CDH20: variants seen among roughly 807,000 people sequenced by gnomAD.
CDH20 encodes cadherin 20.
Under a neutral mutation model 74.2 loss-of-function variants are expected in CDH20, and 29 were observed. The observed-to-expected ratio is 0.39, with a 90% CI of 0.29 to 0.53. CDH20 has a LOEUF of 0.53. Among genes scored for constraint, CDH20 ranks in the 20% least tolerant of loss-of-function variants. The probability of loss-of-function intolerance (pLI) is 0.69; values close to 1 mark genes in which losing one functional copy is unlikely to be tolerated. For missense variants in CDH20, 988 were observed against 1,048.3 expected (o/e 0.94, Z 0.79); for synonymous variants, 469 against 405.4 (o/e 1.16, Z -1.88).
intron 1 of CDH20, among the ~76,000 whole-genome samples, chr18:61,383,306 C>T (rs2144184682): frequency 6.6e-6 from 1 of 152,260 alleles, no homozygotes; most frequent in African/African-American, 2.4e-5. Flanking sequence ...TCTGGCCAGG[C>T]GTGGTGGCTC....
At chr18:61,373,601 A>C (rs78630774) in intron 1 of CDH20, among the ~76,000 whole-genome samples, 1 of 152,220 alleles carries the variant, frequency 6.6e-6, no homozygotes, top group East Asian at 1.9e-4. Flanking sequence ...TGTGTATGGG[A>C]CCAAGTCTTT....
rs1330414862 is a variant in CDH20 at position 61,439,616 on chromosome 18, G to A, written c.-152-50786G>A. ...CTGTTTCAATTCCATTTTCAATTCAGACTAAAAATCATTTTATAATTAGAG... is the reference window on the plus strand; with the variant it reads ...CTGTTTCAATTCCATTTTCAATTCAAACTAAAAATCATTTTATAATTAGAG... On this transcript the variant is annotated intron_variant, in intron 1 of 11. Transcript: ENST00000262717. Among the ~76,000 whole-genome samples, 8 of 152,138 alleles carry A rather than the reference G, an allele frequency of 5.3e-5. No homozygotes were observed. The South Asian group carries it at 1.2e-3, about 24-fold the overall frequency.
chr18:61,520,287 G>A (rs1912152387), intron 6 of CDH20, among the ~76,000 whole-genome samples: 1 of 133,992 alleles, frequency 7.5e-6, no homozygotes, highest in African/African-American at 2.8e-5. Flanking sequence ...CTGCACTCCA[G>A]CCTGAGTGGC....
At chr18:61,495,683 C>T (rs1911112656) in intron 2 of CDH20, among the ~76,000 whole-genome samples, 1 of 152,196 alleles carries the variant, frequency 6.6e-6, no homozygotes, top group Non-Finnish European at 1.5e-5. Flanking sequence ...CCGCTCCAAA[C>T]CTGCAGATGC....
intron 2 of CDH20, among the ~76,000 whole-genome samples, chr18:61,494,957 T>C (rs1911080988): frequency 6.6e-6 from 1 of 152,300 alleles, no homozygotes; most frequent in Non-Finnish European, 1.5e-5. Context: ...AAATCCTCAA[T>C]CAGCTAAGAT....
chr18:61,490,863 T>G, intron 2 of CDH20, 64 bp downstream of exon 2: 46 of 1,477,880 alleles, frequency 3.1e-5, no homozygotes, highest in Non-Finnish European at 4.2e-5. Flanking sequence ...GAATTGAGTA[T>G]CAAAGTTGAC....
intron 1 of CDH20, among the ~76,000 whole-genome samples, chr18:61,344,273 T>C (rs1204149190): frequency 6.6e-6 from 1 of 152,170 alleles, no homozygotes; most frequent in Admixed American, 6.5e-5. Context: ...TATTATCCCA[T>C]CTATTCCTGA....
intron 5 of CDH20, among the ~76,000 whole-genome samples, chr18:61,503,868 T>C (rs1049998633): frequency 2.6e-5 from 4 of 152,328 alleles, no homozygotes; most frequent in African/African-American, 7.2e-5. Flanking sequence ...CAGGTTTACA[T>C]AGGCAGAAAA....
chr18:61,401,404 T>C (rs893204686), intron 1 of CDH20, among the ~76,000 whole-genome samples: 6 of 152,214 alleles, frequency 3.9e-5, no homozygotes, highest in Non-Finnish European at 7.3e-5. Context: ...GTTTTTGTTG[T>C]TGTTGCTGTT....
intron 1 of CDH20, among the ~76,000 whole-genome samples, chr18:61,375,055 G>A (rs1397513746): frequency 6.6e-6 from 1 of 152,098 alleles, no homozygotes; most frequent in Non-Finnish European, 1.5e-5. Flanking sequence ...CATCAATCAA[G>A]TAATATATAA....
At chr18:61,397,170 G>C (rs1048893483) in intron 1 of CDH20, among the ~76,000 whole-genome samples, 2 of 152,012 alleles carry the variant, frequency 1.3e-5, no homozygotes, top group African/African-American at 4.8e-5. Context: ...ATTCTTGGGG[G>C]TTGACTCCTT....
intron 1 of CDH20, among the ~76,000 whole-genome samples, chr18:61,395,814 C>T (rs941080446): frequency 2.0e-5 from 3 of 152,170 alleles, no homozygotes; most frequent in Non-Finnish European, 2.9e-5. Context: ...GCGGGCAGAT[C>T]ATGAGGTCAG....
intron 1 of CDH20, among the ~76,000 whole-genome samples, chr18:61,469,646 G>A (rs924404416): frequency 3.3e-5 from 5 of 152,202 alleles, no homozygotes; most frequent in African/African-American, 1.2e-4. Context: ...CAGGGAGCTT[G>A]TGGCATTTTG....
intron 1 of CDH20, among the ~76,000 whole-genome samples, chr18:61,339,091 A>G (rs1256494204): frequency 6.6e-6 from 1 of 152,164 alleles, no homozygotes; most frequent in African/African-American, 2.4e-5. Context: ...GACCGTTAGT[A>G]ATAATTATTG....
intron 9 of CDH20, among the ~76,000 whole-genome samples, chr18:61,539,993 C>G (rs763350612): frequency 1.3e-5 from 2 of 152,150 alleles, no homozygotes; most frequent in Non-Finnish European, 2.9e-5. Context: ...TTTAGTTGAT[C>G]AAATTCTAAG....
At chr18:61,457,713 T>A (rs1909621958) in intron 1 of CDH20, among the ~76,000 whole-genome samples, 1 of 151,966 alleles carries the variant, frequency 6.6e-6, no homozygotes, top group Non-Finnish European at 1.5e-5. Flanking sequence ...ATTGGTGTTA[T>A]TTTTTTTAAA....
intron 9 of CDH20, among the ~76,000 whole-genome samples, chr18:61,542,120 A>C (rs1913063325): frequency 6.6e-6 from 1 of 152,174 alleles, no homozygotes; most frequent in Non-Finnish European, 1.5e-5. Context: ...ACGTAGAATC[A>C]CCTATGTGTA....
chr18:61,490,472 T>C lies in CDH20; in HGVS notation c.-82T>C, dbSNP rs1320304200. 2.9e-6 allele frequency: 4 copies of C among 1,397,676 alleles called. No individual in the cohort carries two copies. The highest frequency in any genetic ancestry group is 2.5e-5 in the South Asian group (2 of 79,430). 86.6% of individuals were successfully genotyped at this position (1,397,676 alleles called of 1,614,324 possible). On this transcript the variant is annotated 5_prime_UTR_variant, in exon 2 of 12. Transcript: ENST00000262717. ...GAAGCATAAGTGTCCAATCAAAAACTGTGTATTTTTTTAAATTTGGAAAAT... is the reference window on the plus strand; with the variant it reads ...GAAGCATAAGTGTCCAATCAAAAACCGTGTATTTTTTTAAATTTGGAAAAT...
chr18:61,450,566 G>T (rs1307320409), intron 1 of CDH20, among the ~76,000 whole-genome samples: 2 of 151,926 alleles, frequency 1.3e-5, no homozygotes, highest in East Asian at 1.9e-4. Flanking sequence ...TTACTAAAAA[G>T]AACTTTTTTT....
Sources: gnomAD v4.1 joint callset for allele counts (sites outside exome capture counted in the v4.1 genomes callset) on GRCh38, gnomAD v4.1.1 for gene constraint, MANE v1.5 for transcripts, NCBI Gene and HGNC (gene_info 2026-07-23, HGNC 2026-07-21) for gene names.